The following TMEM156 variants were observed in gnomAD, a reference collection of about 807,000 sequenced individuals.
The protein encoded by TMEM156 is transmembrane protein 156.
In TMEM156, 28 loss-of-function variants were observed where a neutral mutation model predicts 30.5. The observed-to-expected ratio is 0.92, with a 90% CI of 0.68 to 1.26. The LOEUF is 1.26. Ranked by LOEUF, TMEM156 falls within the 50% of genes most tolerant of loss-of-function variation. TMEM156 has a pLI of 0.00. For missense variants in TMEM156, 351 were observed against 340.6 expected, an observed-to-expected ratio of 1.03 and a Z score of -0.24; for synonymous variants, 137 against 119.9, an observed-to-expected ratio of 1.14 and a Z score of -0.93.
chr4:38,992,377 T>G (rs183448737), intron 3 of TMEM156, among the ~76,000 whole-genome samples: 7 of 152,020 alleles, frequency 4.6e-5, no homozygotes, highest in Non-Finnish European at 8.8e-5. Context: ...AGGAATAGAT[T>G]TTTTGGGTGA....
At chr4:38,983,690 A>G (rs1711747387) in intron 5 of TMEM156, among the ~76,000 whole-genome samples, 1 of 152,210 alleles carries the variant, frequency 6.6e-6, no homozygotes, top group East Asian at 1.9e-4. Context: ...GTGGGCCACC[A>G]CACTCGGCCT....
rs151184398 is a variant in TMEM156 at position 38,971,820 on chromosome 4, G to A, written c.824-683C>T. ...ATTTTTTTTTTTAAGACAGAGTTTC[G>A]CTCTTGTTGCCCAGCCTAGAGTGCA... On this transcript the variant is annotated intron_variant, in intron 5 of 6. Transcript: ENST00000381938. Among the ~76,000 whole-genome samples the A allele has an allele frequency of 1.6e-3, 247 of 151,728 alleles. 2 individuals are homozygous for A. The highest frequency in any genetic ancestry group is 5.6e-3 in the African/African-American group (232 of 41,352).
rs1297068789 is a variant in TMEM156 at position 39,032,276 on chromosome 4, A to G, written c.38T>C (p.Ile13Thr). 2 of 1,610,214 alleles carry G rather than the reference A, an allele frequency of 1.2e-6. No homozygotes were observed. Among genetic ancestry groups the G allele is most frequent in the African/African-American group, 1.3e-5 (1 of 74,810 alleles). Reference sequence around the variant, plus strand: ...CAAAATTAAAATGAATGTGATCACTATTGCCACAAATAATTTAAGGAGGGC... The same window carrying G: ...CAAAATTAAAATGAATGTGATCACTGTTGCCACAAATAATTTAAGGAGGGC... ...KTALLKLFVA[I>T]VITFILILPE... The change falls in exon 1 of 7, where the codon ATA becomes ACA. Residue 13 changes from isoleucine to threonine, a missense_variant. By Grantham distance (89) the Ile-to-Thr change is moderately conservative (BLOSUM62 -1). Coordinates refer to ENST00000381938, the MANE Select transcript of TMEM156 (RefSeq NM_024943.3).
chr4:38,980,798 A>T (rs1723141224), intron 5 of TMEM156: 3 of 339,882 alleles, frequency 8.8e-6, no homozygotes, highest in Middle Eastern at 1.4e-3. Context: ...GCAGGTTTGT[A>T]GAGGGTGGCA....
intron 1 of TMEM156, among the ~76,000 whole-genome samples, chr4:39,005,626 C>A (rs1713677254): frequency 6.6e-6 from 1 of 152,114 alleles, no homozygotes. Context: ...AGTGTTATAT[C>A]CTAATTGTGG....
chr4:39,022,575 A>G (rs1714941164), intron 1 of TMEM156, among the ~76,000 whole-genome samples: 1 of 152,186 alleles, frequency 6.6e-6, no homozygotes, highest in African/African-American at 2.4e-5. Flanking sequence ...AATACATTTT[A>G]TTTCACATTT....
At chr4:39,020,562 AT>A (rs924753688) in intron 1 of TMEM156, among the ~76,000 whole-genome samples, 2 of 150,724 alleles carry the variant, frequency 1.3e-5, no homozygotes, top group Non-Finnish European at 3.0e-5. Flanking sequence ...AATTTTTTTT[AT>A]TTTTTTTGAG....
intron 5 of TMEM156, among the ~76,000 whole-genome samples, chr4:38,980,485 T>C (rs1375363822): frequency 6.6e-6 from 1 of 152,230 alleles, no homozygotes; most frequent in Non-Finnish European, 1.5e-5. Context: ...CCCATATATA[T>C]GCATTATGCT....
At chr4:39,009,009 A>G (rs2110014072) in intron 1 of TMEM156, among the ~76,000 whole-genome samples, 1 of 152,238 alleles carries the variant, frequency 6.6e-6, no homozygotes, top group Non-Finnish European at 1.5e-5. Flanking sequence ...ATAAACTGCT[A>G]CCTAGATTAA....
intron 1 of TMEM156, among the ~76,000 whole-genome samples, chr4:39,021,181 T>C (rs557454345): frequency 1.3e-5 from 2 of 152,186 alleles, no homozygotes; most frequent in Admixed American, 1.3e-4. Flanking sequence ...GACAGGAGGA[T>C]CGCTTGAGCC....
chr4:39,013,377 A>G (rs1489748437), intron 1 of TMEM156, among the ~76,000 whole-genome samples: 10 of 1,122 alleles, frequency 8.9e-3, no homozygotes, highest in South Asian at 0.023. Context: ...TAATTGGTTT[A>G]TTTATTTATT....
At chr4:39,026,343 G>A (rs976108834) in intron 1 of TMEM156, among the ~76,000 whole-genome samples, 2 of 143,232 alleles carry the variant, frequency 1.4e-5, no homozygotes, top group Non-Finnish European at 3.0e-5. Flanking sequence ...GCAAGACCCT[G>A]TCTCTCTTAA....
intron 1 of TMEM156, among the ~76,000 whole-genome samples, chr4:39,018,857 C>T (rs1384260279): frequency 6.6e-6 from 1 of 151,922 alleles, no homozygotes; most frequent in African/African-American, 2.4e-5. Context: ...CCCGTCTCTA[C>T]TAAAAATACA....
At chr4:38,979,978 A>G (rs902157360) in intron 5 of TMEM156, among the ~76,000 whole-genome samples, 1 of 152,200 alleles carries the variant, frequency 6.6e-6, no homozygotes, top group South Asian at 2.1e-4. Flanking sequence ...TAAGCCCAAG[A>G]TAGCGAGTAG....
chr4:39,019,694 T>C (rs765737933), intron 1 of TMEM156, among the ~76,000 whole-genome samples: 2 of 152,128 alleles, frequency 1.3e-5, no homozygotes, highest in Non-Finnish European at 2.9e-5. Context: ...TAACAAAAAT[T>C]ATATATATAT....
At chr4:39,002,640 C>T (rs1444389140) in intron 1 of TMEM156, among the ~76,000 whole-genome samples, 14 of 149,048 alleles carry the variant, frequency 9.4e-5, no homozygotes, top group Admixed American at 3.4e-4. Flanking sequence ...AACCCAAATG[C>T]CCAACAATGA....
intron 5 of TMEM156, 61 bp downstream of exon 5, chr4:38,986,275 T>C (rs1389058696): frequency 1.2e-5 from 14 of 1,185,452 alleles, no homozygotes; most frequent in Non-Finnish European, 2.5e-6. Context: ...TACTGTGTAG[T>C]GAAACCATGC....
Position 38,993,733 on chromosome 4 carries a change from C to G in TMEM156, c.619+5G>C. 1 of 1,609,246 alleles carries G rather than the reference C, an allele frequency of 6.2e-7. No individual in the cohort carries two copies. The highest frequency in any genetic ancestry group is 2.2e-5 in the East Asian group (1 of 44,810). ...CTTTTCCCTTTAGTTTCCTTAAAAA[C>G]TTACTTTTTATATCCATCTCTAGGT... On this transcript the variant is annotated splice_donor_5th_base_variant and intron_variant, in intron 3 of 6. Coordinates refer to ENST00000381938, the MANE Select transcript of TMEM156 (RefSeq NM_024943.3).
At chr4:39,017,529 T>A (rs990432172) in intron 1 of TMEM156, among the ~76,000 whole-genome samples, 4 of 152,096 alleles carry the variant, frequency 2.6e-5, no homozygotes, top group Admixed American at 2.0e-4. Flanking sequence ...AGATGTTGAG[T>A]TCAATATTCT....
Sources: gnomAD v4.1 joint callset for allele counts (sites outside exome capture counted in the v4.1 genomes callset) on GRCh38, gnomAD v4.1.1 for gene constraint, MANE v1.5 for transcripts, NCBI Gene and HGNC (gene_info 2026-07-23, HGNC 2026-07-21) for gene names.